CHEK2: variants seen among roughly 807,000 people sequenced by gnomAD.
The protein encoded by CHEK2 is checkpoint kinase 2.
CHEK2 carries 71 observed loss-of-function variants against 69.1 expected under a neutral mutation model. That is an observed-to-expected ratio of 1.03 (90% CI 0.85 to 1.25). The LOEUF (loss-of-function observed/expected upper bound fraction) is 1.25. Ranked by LOEUF, CHEK2 falls within the 50% of genes most tolerant of loss-of-function variation. CHEK2 has a pLI of 0.00. For missense variants in CHEK2, 664 were observed against 649.6 expected (o/e 1.02, Z -0.24); for synonymous variants, 189 against 226.9 (o/e 0.83, Z 1.50).
In CHEK2 at chr22:28,696,912, A is replaced by G. The variant is rs1064793339; in HGVS notation, c.1084T>C (p.Cys362Arg). 3 of 1,608,370 alleles carry G rather than the reference A, an allele frequency of 1.9e-6. No individual in the cohort carries two copies. The highest frequency in any genetic ancestry group is 1.7e-6 in the Non-Finnish European group (2 of 1,174,896). ...NVLLSSQEED[C>R]LIKITDFGHS... ...TGCCAATTTCTTACCTTTATAAGAC[A>G]GTCCTCTTCTTGAGATGACAGTAAA... The change falls in exon 10 of 15, where the codon TGT (cysteine) becomes CGT (arginine). Residue 362 changes from cysteine (C) to arginine (R), a missense_variant. Physicochemically the swap from Cys to Arg is radical, Grantham distance 180 (BLOSUM62 -3). Transcript: ENST00000404276.
intron 4 of CHEK2, chr22:28,721,697 T>A (rs1347804060): frequency 2.3e-6 from 1 of 428,418 alleles, no homozygotes; most frequent in Admixed American, 3.1e-5. Flanking sequence ...CATTCTACAA[T>A]GTATACATAT....
chr22:28,725,646 A>G (rs2053976664), intron 2 of CHEK2, among the ~76,000 whole-genome samples: 1 of 152,070 alleles, frequency 6.6e-6, no homozygotes, highest in Non-Finnish European at 1.5e-5. Context: ...GGATCACTTG[A>G]CCCCAGGAGC....
At chr22:28,699,687 AAGG>A in intron 9 of CHEK2, 148 bp downstream of exon 9, 4 of 688,218 alleles carry the variant, frequency 5.8e-6, no homozygotes, top group Non-Finnish European at 7.8e-6. Flanking sequence ...ATCTCAGTGA[AAGG>A]AGTAGGACAT....
intron 5 of CHEK2, among the ~76,000 whole-genome samples, chr22:28,714,086 TG>T (rs1177030947): frequency 6.6e-6 from 1 of 152,214 alleles, no homozygotes; most frequent in African/African-American, 2.4e-5. Context: ...TTGTTGTTGT[TG>T]TTTTTTATGC....
chr22:28,698,989 T>C (rs1174280763), intron 9 of CHEK2, among the ~76,000 whole-genome samples: 1 of 152,062 alleles, frequency 6.6e-6, no homozygotes, highest in African/African-American at 2.4e-5. Context: ...AAGCTAAAGA[T>C]AGGCGACATA....
intron 12 of CHEK2, among the ~76,000 whole-genome samples, 170 bp downstream of exon 12, chr22:28,694,957 A>C (rs1161383262): frequency 2.0e-4 from 31 of 152,236 alleles, no homozygotes; most frequent in Admixed American, 2.0e-3. Context: ...CCAGGACCTG[A>C]GTGCATGCTC....
At position 28,737,294 on chromosome 22, in the gene CHEK2, T is replaced by G. The variant is rs533086571; in HGVS notation, c.-6-2567A>C. On this transcript the variant is annotated intron_variant, in intron 1 of 14. Transcript: ENST00000404276. ...TAGCAGCCTCAGCATACAAATTTTT[T>G]TATTTCCATATTAAATTGAGATCTT... The G allele has an allele frequency of 8.4e-6, 4 of 478,954 alleles. No individual in the cohort carries two copies. In the East Asian group the frequency reaches 2.3e-4, roughly 28 times the overall value. The allele number at this position is 478,954 out of a possible 1,614,324, so 29.7% of individuals were successfully genotyped here. A position where few individuals can be genotyped will look rare whatever the true frequency, so the allele number is the denominator to read the frequency against.
Position 28,694,091 on chromosome 22 carries a change from CCAA to C in CHEK2, c.1399_1401del (p.Leu467del), listed in dbSNP as rs876658456. 2 of 1,595,830 alleles carry C rather than the reference CCAA, an allele frequency of 1.3e-6. No individual in the cohort carries two copies. Among genetic ancestry groups the C allele is most frequent in the Non-Finnish European group, 1.7e-6 (2 of 1,179,386 alleles). On this transcript the variant is annotated inframe_deletion, in exon 13 of 15. Transcript: ENST00000404276. Reference sequence around the variant, plus strand: ...GTAAAACGTGCCTTTGGATCCACTACCAACAACTTCTTGACAAGGTCCAGAGCT... The same window carrying C: ...GTAAAACGTGCCTTTGGATCCACTACCAACTTCTTGACAAGGTCCAGAGCT...
At chr22:28,721,281 GTTT>G (rs755378917) in intron 4 of CHEK2, among the ~76,000 whole-genome samples, 6 of 109,948 alleles carry the variant, frequency 5.5e-5, no homozygotes, top group Non-Finnish European at 5.4e-5. Flanking sequence ...GTTTGTTTGG[GTTT>G]TTTTTTTTTT....
At chr22:28,701,934 T>C (rs771433479) in intron 8 of CHEK2, among the ~76,000 whole-genome samples, 27 of 150,042 alleles carry the variant, frequency 1.8e-4, no homozygotes, top group Non-Finnish European at 3.4e-4. Context: ...ATATAATCTA[T>C]GTATATCATC....
In CHEK2 at chr22:28,735,902, A is replaced by T. The variant is rs17885766; in HGVS notation, c.-6-1175T>A. Among the ~76,000 whole-genome samples the T allele has an allele frequency of 4.0e-3, 601 of 151,340 alleles. 5 individuals carry two copies. Among genetic ancestry groups the T allele is most frequent in the African/African-American group, 0.014 (571 of 41,236 alleles). ...TGTCTCAAAAAAATTAATTAATTAA[A>T]TAAATAAAATTTTAAAATAAAATAA... On this transcript the variant is annotated intron_variant, in intron 1 of 14. Coordinates refer to ENST00000404276, the MANE Select transcript of CHEK2 (RefSeq NM_007194.4).
chr22:28,692,059 C>T (rs2052386926), intron 13 of CHEK2, among the ~76,000 whole-genome samples: 1 of 152,222 alleles, frequency 6.6e-6, no homozygotes, highest in Non-Finnish European at 1.5e-5. Flanking sequence ...GATCCTGCAA[C>T]AGAGTTGAAC....
rs141568342 is a variant in CHEK2 at position 28,734,532 on chromosome 22, C to T, written c.190G>A (p.Glu64Lys). 272 of 1,613,790 alleles carry T rather than the reference C, an allele frequency of 1.7e-4. No individual in the cohort carries two copies. Among genetic ancestry groups the T allele is most frequent in the Non-Finnish European group, 2.2e-4 (256 of 1,180,008 alleles). ...TAGAGTTCCTGAGTGGACACTGTCT[C>T]TAAGGAGCTCAGTGTCCCAGAGCTG... ...HSSSGTLSSL[E>K]TVSTQELYSI... The change falls in exon 2 of 15, where the codon GAG becomes AAG. Residue 64 changes from glutamate to lysine, a missense_variant. Transcript: ENST00000404276.
chr22:28,712,398 A>G (rs2053437374), intron 5 of CHEK2: 1 of 292,506 alleles, frequency 3.4e-6, no homozygotes, highest in South Asian at 8.2e-5. Flanking sequence ...ACAAACAAAT[A>G]ACGGTAAACA....
intron 9 of CHEK2, 126 bp downstream of exon 9, chr22:28,699,712 A>T: frequency 1.3e-6 from 1 of 789,234 alleles, no homozygotes; most frequent in Non-Finnish European, 2.2e-6. Flanking sequence ...TTTGCCAAGA[A>T]GAGAACAGCA....
chr22:28,740,669 A>G (rs1213795022), intron 1 of CHEK2, among the ~76,000 whole-genome samples: 3 of 152,150 alleles, frequency 2.0e-5, no homozygotes, highest in African/African-American at 7.2e-5. Flanking sequence ...ACTACGGAAA[A>G]TTGCTTCCTT....
chr22:28,702,278 A>G (rs1209245371), intron 8 of CHEK2, among the ~76,000 whole-genome samples: 14 of 145,694 alleles, frequency 9.6e-5, no homozygotes, highest in Admixed American at 1.4e-4. Flanking sequence ...TCGCTCTGTC[A>G]CCCAGGCTGG....
intron 5 of CHEK2, among the ~76,000 whole-genome samples, chr22:28,713,516 C>A (rs1225425586): frequency 6.6e-6 from 1 of 151,926 alleles, no homozygotes; most frequent in Non-Finnish European, 1.5e-5. Context: ...GCCACCACGC[C>A]CGGCTAATCT....
chr22:28,699,822 T>G lies in CHEK2; in HGVS notation c.1008+16A>C. ...AAAGAAAGGCAGCTGTCAAAAGAATTGAGGGCTTCTTTTACCTGCACAGCC... is the reference window on the plus strand; with the variant it reads ...AAAGAAAGGCAGCTGTCAAAAGAATGGAGGGCTTCTTTTACCTGCACAGCC... On this transcript the variant is annotated intron_variant, in intron 9 of 14. Transcript: ENST00000404276. The G allele has an allele frequency of 6.4e-7, 1 of 1,562,442 alleles. No individual in the cohort carries two copies. Among genetic ancestry groups the G allele is most frequent in the Non-Finnish European group, 8.8e-7 (1 of 1,132,974 alleles).
Sources: allele counts gnomAD v4.1 joint callset (sites outside exome capture counted in the v4.1 genomes callset), GRCh38; gene constraint gnomAD v4.1.1; transcripts MANE v1.5; gene names NCBI Gene and HGNC (gene_info 2026-07-23, HGNC 2026-07-21).